The following FOCAD variants were observed in gnomAD, a reference collection of about 807,000 sequenced individuals.
FOCAD encodes KIAA1797.
In FOCAD, 198 loss-of-function variants were observed where a neutral mutation model predicts 225.6. The observed-to-expected ratio is 0.88, with a 90% confidence interval of 0.78 to 0.99. The LOEUF is 0.99. Among genes scored for constraint, FOCAD ranks in the 50% least tolerant of loss-of-function variants. The pLI is 0.00. For missense variants in FOCAD, 2,713 were observed against 2,123.6 expected (o/e 1.28, Z -5.46); for synonymous variants, 897 against 755.0 (o/e 1.19, Z -3.08).
At chr9:20,872,202 G>A (rs975684640) in intron 18 of FOCAD, among the ~76,000 whole-genome samples, 2 of 152,018 alleles carry the variant, frequency 1.3e-5, no homozygotes, top group Non-Finnish European at 2.9e-5. Flanking sequence ...ACACAGTTAC[G>A]TGAATATGAA....
chr9:20,752,110 C>T lies in FOCAD; in HGVS notation c.393-5980C>T, dbSNP rs1346454448. Among the ~76,000 whole-genome samples, 284 of 146,856 alleles carry T rather than the reference C, an allele frequency of 1.9e-3. 1 individual carries two copies. Among genetic ancestry groups the T allele is most frequent in the African/African-American group, 6.8e-3 (273 of 39,932 alleles). ...AAATTTTCTCCCATTTTGTAGGTTG[C>T]CTGTTCACTCTGATGGTAGTTTCTT... On this transcript the variant is annotated intron_variant, in intron 5 of 43. Coordinates refer to ENST00000338382, the MANE Select transcript of FOCAD (RefSeq NM_001375567.1).
chr9:20,862,505 T>C (rs546031476), intron 15 of FOCAD, 73 bp from the exon 16 acceptor site: 2 of 1,502,062 alleles, frequency 1.3e-6, no homozygotes, highest in East Asian at 2.3e-5. Context: ...TAATAAAATA[T>C]AGTACTCTTA....
intron 1 of FOCAD, among the ~76,000 whole-genome samples, chr9:20,702,931 T>C (rs1417476162): frequency 1.3e-5 from 2 of 152,124 alleles, no homozygotes; most frequent in Non-Finnish European, 2.9e-5. Flanking sequence ...ATTTGTTATA[T>C]GCTGGGGAGA....
chr9:20,976,505 G>A lies in FOCAD; in HGVS notation c.4218G>A (p.Val1406=). ...TVGESYQYPP[V]NWAALLSPLM... is the part of the protein sequence containing the mutation. ...GAGAAAGCTACCAATATCCTCCTGTGAACTGGGCTGCACTTCTCTCTCCAC... is the reference window on the plus strand; with the variant it reads ...GAGAAAGCTACCAATATCCTCCTGTAAACTGGGCTGCACTTCTCTCTCCAC... The change falls in exon 36 of 44, where the codon GTG becomes GTA. Residue 1406 remains valine (V), a synonymous_variant. Coordinates refer to ENST00000338382, the MANE Select transcript of FOCAD (RefSeq NM_001375567.1). 1 of 1,613,332 alleles carries A rather than the reference G, an allele frequency of 6.2e-7. No individual in the cohort carries two copies. Among genetic ancestry groups the A allele is most frequent in the Non-Finnish European group, 8.5e-7 (1 of 1,179,416 alleles).
At chr9:20,760,895 A>G (rs972427492) in intron 6 of FOCAD, among the ~76,000 whole-genome samples, 2 of 152,288 alleles carry the variant, frequency 1.3e-5, no homozygotes, top group Non-Finnish European at 2.9e-5. Flanking sequence ...GTTAATGAGT[A>G]TATGAGTAGC....
intron 7 of FOCAD, among the ~76,000 whole-genome samples, chr9:20,766,653 C>G (rs1354634876): frequency 6.6e-6 from 1 of 151,484 alleles, no homozygotes; most frequent in Non-Finnish European, 1.5e-5. Context: ...TCCTTTCCTC[C>G]TCACCTCCCT....
upstream of FOCAD, among the ~76,000 whole-genome samples, chr9:20,681,215 C>A (rs1202460020): frequency 6.6e-6 from 1 of 152,102 alleles, no homozygotes; most frequent in Non-Finnish European, 1.5e-5. Flanking sequence ...AAATAAAATT[C>A]CCAACAAGTA....
intron 11 of FOCAD, among the ~76,000 whole-genome samples, chr9:20,793,161 G>A (rs904797835): frequency 5.3e-5 from 8 of 152,272 alleles, no homozygotes; most frequent in African/African-American, 1.4e-4. Flanking sequence ...AAGAAGTAGT[G>A]TACTACTATT....
At chr9:20,690,657 T>TTC (rs1822915018) in intron 1 of FOCAD, among the ~76,000 whole-genome samples, 1 of 152,160 alleles carries the variant, frequency 6.6e-6, no homozygotes, top group Non-Finnish European at 1.5e-5. Context: ...CAAGTGGTAC[T>TTC]TCTGCCTTGC....
At chr9:20,885,318 T>C in intron 21 of FOCAD, 88 bp downstream of exon 21, 1 of 1,260,798 alleles carries the variant, frequency 7.9e-7, no homozygotes, top group Non-Finnish European at 1.0e-6. Context: ...AATAATTTTT[T>C]TGATCATAAT....
Position 20,865,974 on chromosome 9 carries a change from A to T in FOCAD, c.2104A>T (p.Lys702Ter). ...LSFLWTHTQN[K>*]DPIVANAAYR... ...CTTCCTCTGGACTCATACTCAAAAC[A>T]AGGTACTATCACAAGGCTTGTCAGT... is the stretch of plus-strand genomic sequence containing the variant. The change falls in exon 17 of 44, where the codon AAG (lysine) becomes TAG (stop). Residue 702 changes from lysine (K) to a stop codon, truncating the protein, a stop_gained and splice_region_variant. Transcript: ENST00000338382. LOFTEE classifies it high-confidence loss of function. 6.2e-7 allele frequency: 1 copy of T among 1,607,310 alleles called. No individual in the cohort carries two copies. The highest frequency in any genetic ancestry group is 1.7e-4 in the Middle Eastern group (1 of 6,046).
At chr9:20,830,200 T>C (rs957999955) in intron 15 of FOCAD, among the ~76,000 whole-genome samples, 1 of 152,114 alleles carries the variant, frequency 6.6e-6, no homozygotes, top group Non-Finnish European at 1.5e-5. Context: ...GAATGATACT[T>C]GGACTTTTTT....
At chr9:20,806,773 A>G (rs941410013) in intron 11 of FOCAD, among the ~76,000 whole-genome samples, 5 of 152,194 alleles carry the variant, frequency 3.3e-5, no homozygotes, top group Non-Finnish European at 5.9e-5. Flanking sequence ...AATAGATGGT[A>G]TGATTATAGT....
chr9:20,740,036 A>G (rs1827479801), intron 4 of FOCAD, among the ~76,000 whole-genome samples, 200 bp from the exon 5 acceptor site: 1 of 152,036 alleles, frequency 6.6e-6, no homozygotes, highest in African/African-American at 2.4e-5. Flanking sequence ...TGGTGGTTTG[A>G]TTCTTTAGCT....
intron 15 of FOCAD, among the ~76,000 whole-genome samples, chr9:20,847,514 G>C (rs1827238160): frequency 6.7e-6 from 1 of 150,178 alleles, no homozygotes; most frequent in African/African-American, 2.5e-5. Context: ...TGTTTTCCTG[G>C]TGTGTGTTTA....
chr9:20,917,791 T>C (rs1833998442), intron 24 of FOCAD, among the ~76,000 whole-genome samples: 1 of 152,182 alleles, frequency 6.6e-6, no homozygotes, highest in Non-Finnish European at 1.5e-5. Context: ...AGATTTTGCC[T>C]TAAAAACAGA....
intron 14 of FOCAD, among the ~76,000 whole-genome samples, chr9:20,821,339 CAT>C (rs1317439573): frequency 4.0e-5 from 6 of 151,882 alleles, no homozygotes; most frequent in Admixed American, 6.6e-5. Flanking sequence ...TGCAGTAAAA[CAT>C]GTGATGTTAT....
chr9:20,665,704 TA>T (rs1821879833), intron 2 of FOCAD, among the ~76,000 whole-genome samples: 1 of 152,264 alleles, frequency 6.6e-6, no homozygotes, highest in African/African-American at 2.4e-5. Flanking sequence ...TCCCGGGTTT[TA>T]ATCTCTTGTT....
intron 15 of FOCAD, among the ~76,000 whole-genome samples, chr9:20,846,988 T>G (rs1023372654): frequency 6.6e-6 from 1 of 152,154 alleles, no homozygotes; most frequent in Admixed American, 6.6e-5. Flanking sequence ...GGGCAAAGTT[T>G]GACCTAGATT....
Sources: gnomAD v4.1 joint callset for allele counts (sites outside exome capture counted in the v4.1 genomes callset) on GRCh38, gnomAD v4.1.1 for gene constraint, MANE v1.5 for transcripts, NCBI Gene and HGNC (gene_info 2026-07-23, HGNC 2026-07-21) for gene names.